The following UNC79 variants were observed in gnomAD, a reference collection of about 807,000 sequenced individuals.
UNC79 encodes protein unc-79 homolog.
Under a neutral mutation model 283.1 loss-of-function variants are expected in UNC79, and 37 were observed. The ratio of observed to expected loss-of-function variants is 0.13; its 90% CI spans 0.10 to 0.17. The LOEUF is 0.17. Ranked by LOEUF, UNC79 falls within the 10% of genes least tolerant of loss-of-function variation. The pLI, the probability that UNC79 is intolerant of heterozygous loss-of-function variation, is 1.00. For missense variants in UNC79, 2,272 were observed against 3,211.1 expected (o/e 0.71, Z 7.07); for synonymous variants, 1,107 against 1,200.2 (o/e 0.92, Z 1.61).
At chr14:93,347,137 G>C in intron 1 of UNC79, 1 of 1,046,038 alleles carries the variant, frequency 9.6e-7, no homozygotes, top group Non-Finnish European at 1.4e-6. Context: ...GGGGTAGGGG[G>C]CGAGGGCAGA....
chr14:93,528,605 C>T (rs548200919), exon 9 of UNC79: 2 of 1,613,624 alleles, frequency 1.2e-6, no homozygotes, highest in African/African-American at 1.3e-5. Flanking sequence ...ATAAACCACC[C>T]CCGTTGTATC....
At chr14:93,683,372 G>C (rs1159318487) in intron 42 of UNC79, among the ~76,000 whole-genome samples, 1 of 152,100 alleles carries the variant, frequency 6.6e-6, no homozygotes, top group Admixed American at 6.5e-5. Flanking sequence ...TATGGCCCAT[G>C]GGGTTTTCAC....
In UNC79 at chr14:93,571,886, C is replaced by G. The variant is rs2063225480; in HGVS notation, c.1756-8C>G. Reference sequence around the variant, plus strand: ...TCTTTTCCCCTGTGGCTATGGAAACCTCTTCAGGTTGGTGGCTACTGGGAT... The same window carrying G: ...TCTTTTCCCCTGTGGCTATGGAAACGTCTTCAGGTTGGTGGCTACTGGGAT... On this transcript the variant is annotated splice_region_variant and splice_polypyrimidine_tract_variant and intron_variant, in intron 14 of 48. Coordinates refer to ENST00000555664, the Ensembl canonical transcript of UNC79. 1 of 1,613,648 alleles carries G rather than the reference C, an allele frequency of 6.2e-7. No homozygotes were observed. Among genetic ancestry groups the G allele is most frequent in the Non-Finnish European group, 8.5e-7 (1 of 1,179,788 alleles).
chr14:93,403,226 A>T (rs1388138492), intron 1 of UNC79, among the ~76,000 whole-genome samples: 1 of 152,184 alleles, frequency 6.6e-6, no homozygotes, highest in African/African-American at 2.4e-5. Context: ...AAGCAATCAG[A>T]TATGCATTTT....
At chr14:93,372,458 G>A (rs1054914617) in intron 1 of UNC79, among the ~76,000 whole-genome samples, 14 of 152,214 alleles carry the variant, frequency 9.2e-5, no homozygotes, top group African/African-American at 3.4e-4. Flanking sequence ...GACACGTATA[G>A]TTTAAAAGTA....
At chr14:93,643,175 A>C (rs569145275) in intron 33 of UNC79, among the ~76,000 whole-genome samples, 2 of 152,220 alleles carry the variant, frequency 1.3e-5, no homozygotes, top group African/African-American at 4.8e-5. Flanking sequence ...ACTTCAACAA[A>C]TTAAAAACAA....
At chr14:93,702,272 G>A (rs2075585559) in intron 47 of UNC79, among the ~76,000 whole-genome samples, 1 of 151,796 alleles carries the variant, frequency 6.6e-6, no homozygotes. Flanking sequence ...GAGGGTTGGG[G>A]GACAGGGGGA....
intron 32 of UNC79, among the ~76,000 whole-genome samples, chr14:93,638,895 G>A (rs574450017): frequency 9.9e-5 from 15 of 152,194 alleles, no homozygotes; most frequent in East Asian, 3.9e-4. Flanking sequence ...AATATTTAGC[G>A]ATCCATTGAT....
intron 1 of UNC79, among the ~76,000 whole-genome samples, chr14:93,420,306 G>A (rs2055567954): frequency 6.6e-6 from 1 of 151,496 alleles, no homozygotes; most frequent in African/African-American, 2.4e-5. Flanking sequence ...AAAAAGAGCA[G>A]GAGTGGCTAT....
At chr14:93,648,582 T>G (rs2069889899) in intron 35 of UNC79, among the ~76,000 whole-genome samples, 1 of 151,908 alleles carries the variant, frequency 6.6e-6, no homozygotes, top group South Asian at 2.1e-4. Flanking sequence ...GGTGGGCGGG[T>G]GTGGCATTTG....
At chr14:93,692,304 C>T (rs914524806) in intron 46 of UNC79, among the ~76,000 whole-genome samples, 6 of 152,044 alleles carry the variant, frequency 3.9e-5, no homozygotes, top group African/African-American at 1.2e-4. Flanking sequence ...AGCCATTCCA[C>T]AATGTATATC....
intron 1 of UNC79, among the ~76,000 whole-genome samples, chr14:93,447,102 A>G (rs2056484017): frequency 6.6e-6 from 1 of 151,952 alleles, no homozygotes; most frequent in Non-Finnish European, 1.5e-5. Flanking sequence ...CCTGTTGAAT[A>G]CCCCTTTTAT....
intron 22 of UNC79, among the ~76,000 whole-genome samples, chr14:93,593,204 G>A (rs2064820195): frequency 6.6e-6 from 1 of 152,194 alleles, no homozygotes; most frequent in Admixed American, 6.5e-5. Flanking sequence ...TGATAGAGAA[G>A]GTTGGGGAGC....
chr14:93,357,227 A>G (rs1036865485), intron 1 of UNC79, among the ~76,000 whole-genome samples: 11 of 152,178 alleles, frequency 7.2e-5, no homozygotes, highest in Admixed American at 6.5e-4. Flanking sequence ...TCATGGCTGC[A>G]TAGTATTCCA....
At chr14:93,445,918 A>C (rs2056446928) in intron 1 of UNC79, among the ~76,000 whole-genome samples, 1 of 152,146 alleles carries the variant, frequency 6.6e-6, no homozygotes, top group African/African-American at 2.4e-5. Flanking sequence ...ACTGGTATAA[A>C]GTTATTTGTA....
intron 18 of UNC79, among the ~76,000 whole-genome samples, chr14:93,578,314 T>C (rs2063585393): frequency 6.6e-6 from 1 of 152,252 alleles, no homozygotes; most frequent in Non-Finnish European, 1.5e-5. Context: ...GAATTGATTC[T>C]GTTAAATAAA....
chr14:93,652,914 C>T (rs368350493), intron 35 of UNC79, among the ~76,000 whole-genome samples: 1 of 152,104 alleles, frequency 6.6e-6, no homozygotes, highest in East Asian at 1.9e-4. Context: ...TTCTCTCCTT[C>T]TCTATTTTCT....
intron 2 of UNC79, among the ~76,000 whole-genome samples, chr14:93,470,166 T>C (rs982332698): frequency 9.9e-5 from 15 of 152,198 alleles, no homozygotes; most frequent in Admixed American, 9.8e-4. Context: ...CTCAATGAAG[T>C]TAAAATGGTT....
At chr14:93,631,545 C>T (rs1007483112) in intron 31 of UNC79, among the ~76,000 whole-genome samples, 3 of 152,074 alleles carry the variant, frequency 2.0e-5, no homozygotes, top group Admixed American at 6.6e-5. Context: ...GGGTTAATTA[C>T]GAGACTTTAG....
Sources: gnomAD v4.1 joint callset for allele counts (sites outside exome capture counted in the v4.1 genomes callset) on GRCh38, gnomAD v4.1.1 for gene constraint, MANE v1.5 for transcripts, NCBI Gene and HGNC (gene_info 2026-07-23, HGNC 2026-07-21) for gene names.